The following CDH23 variants were observed in gnomAD, a reference collection of about 807,000 sequenced individuals.
CDH23 encodes the protein cadherin related 23.
CDH23 carries 189 observed loss-of-function variants against 317.1 expected under a neutral mutation model. The observed-to-expected ratio is 0.60, with a 90% CI of 0.53 to 0.67. The LOEUF is 0.67. Among genes scored for constraint, CDH23 ranks in the 30% least tolerant of loss-of-function variants. The pLI is 0.00. For missense variants in CDH23, 4,401 were observed against 4,592.4 expected, an observed-to-expected ratio of 0.96 and a Z score of 1.20; for synonymous variants, 1,839 against 1,876.8, an observed-to-expected ratio of 0.98 and a Z score of 0.52.
intron 9 of CDH23, among the ~76,000 whole-genome samples, chr10:71,604,409 C>T (rs1860411130): frequency 6.6e-6 from 1 of 152,236 alleles, no homozygotes; most frequent in African/African-American, 2.4e-5. Context: ...GTCTGCCACG[C>T]AGCGGGCCCA....
At chr10:71,543,473 C>T (rs1055844909) in intron 6 of CDH23, among the ~76,000 whole-genome samples, 1 of 152,238 alleles carries the variant, frequency 6.6e-6, no homozygotes, top group Non-Finnish European at 1.5e-5. Context: ...GGTCCATATG[C>T]AGCCGATGCT....
chr10:71,675,307 G>A (rs1460020346), intron 15 of CDH23, 131 bp downstream of exon 15: 2 of 734,330 alleles, frequency 2.7e-6, no homozygotes, highest in South Asian at 1.7e-5. Context: ...GCACTGGACT[G>A]GAAGTTGGAA....
At chr10:71,464,609 G>A (rs1851158762) in intron 3 of CDH23, among the ~76,000 whole-genome samples, 1 of 151,804 alleles carries the variant, frequency 6.6e-6, no homozygotes, top group Non-Finnish European at 1.5e-5. Flanking sequence ...GAGCCTGGGT[G>A]GATGACTTGC....
In CDH23 at chr10:71,416,285, GAAGTGCTGGGATTACAGGCAT is replaced by G. The variant is rs1848530103; in HGVS notation, c.-6+18971_-6+18991del. 2.0e-5 allele frequency among the ~76,000 whole-genome samples: 3 copies of G among 152,194 alleles called. No homozygotes were observed. In the South Asian group the frequency reaches 6.2e-4, roughly 32 times the overall value. On this transcript the variant is annotated intron_variant, in intron 1 of 69. Coordinates refer to ENST00000224721, the MANE Select transcript of CDH23 (RefSeq NM_022124.6). ...AGTGATCCGCCCGCCTTGGCCTCCT[GAAGTGCTGGGATTACAGGCAT>G]AAGCCACTGTGCCCAGCTATAGCCT...
chr10:71,497,660 T>C (rs1247673860), intron 3 of CDH23, among the ~76,000 whole-genome samples: 1 of 152,168 alleles, frequency 6.6e-6, no homozygotes, highest in Non-Finnish European at 1.5e-5. Context: ...TTGTACACAG[T>C]ATGTGGAAAA....
chr10:71,646,899 T>A, intron 14 of CDH23: 2 of 1,423,176 alleles, frequency 1.4e-6, no homozygotes, highest in Non-Finnish European at 1.8e-6. Flanking sequence ...TCAGTGAGGG[T>A]GGGCTGGGAG....
intron 46 of CDH23, chr10:71,790,681 C>T: frequency 1.9e-6 from 1 of 518,616 alleles, no homozygotes; most frequent in Non-Finnish European, 3.5e-6. Flanking sequence ...CAGCCCACTC[C>T]CGTCATCTCC....
chr10:71,556,008 C>G (rs1589201530), intron 6 of CDH23, among the ~76,000 whole-genome samples: 1 of 152,110 alleles, frequency 6.6e-6, no homozygotes, highest in Admixed American at 6.5e-5. Context: ...CGTCTGCTCT[C>G]TAGGGGAAAT....
At chr10:71,683,047 A>T (rs1864720314) in intron 18 of CDH23, among the ~76,000 whole-genome samples, 1 of 152,068 alleles carries the variant, frequency 6.6e-6, no homozygotes, top group Non-Finnish European at 1.5e-5. Context: ...GCGGTCTGAA[A>T]CCAAGCCACA....
At chr10:71,766,150 C>G (rs571694995) in intron 38 of CDH23, among the ~76,000 whole-genome samples, 1 of 152,210 alleles carries the variant, frequency 6.6e-6, no homozygotes, top group African/African-American at 2.4e-5. Context: ...AATTCTTTGG[C>G]GAGAGGATGT....
At chr10:71,684,530 CT>C (rs1182809197) in intron 18 of CDH23, among the ~76,000 whole-genome samples, 2 of 152,238 alleles carry the variant, frequency 1.3e-5, no homozygotes, top group African/African-American at 2.4e-5. Flanking sequence ...CTCTGCTGCC[CT>C]CTTGCTGTGT....
At chr10:71,634,546 G>T (rs1386259948) in intron 11 of CDH23, among the ~76,000 whole-genome samples, 1 of 152,236 alleles carries the variant, frequency 6.6e-6, no homozygotes, top group Non-Finnish European at 1.5e-5. Flanking sequence ...CTTGCCTGGG[G>T]TTGCAAGACA....
chr10:71,730,769 A>G (rs1839350036), intron 31 of CDH23, among the ~76,000 whole-genome samples, 165 bp downstream of exon 31: 1 of 152,214 alleles, frequency 6.6e-6, no homozygotes, highest in Non-Finnish European at 1.5e-5. Flanking sequence ...ACTTCCCACC[A>G]GTGGCCCCAG....
At chr10:71,418,407 G>A (rs1184235670) in intron 1 of CDH23, among the ~76,000 whole-genome samples, 1 of 152,114 alleles carries the variant, frequency 6.6e-6, no homozygotes, top group Non-Finnish European at 1.5e-5. Context: ...TTTTCATCTA[G>A]TTCATCCACA....
At chr10:71,720,601 A>G (rs1866511695) in intron 28 of CDH23, among the ~76,000 whole-genome samples, 1 of 152,178 alleles carries the variant, frequency 6.6e-6, no homozygotes, top group African/African-American at 2.4e-5. Context: ...GGCCCTGTCC[A>G]AGACCTGAGC....
intron 1 of CDH23, among the ~76,000 whole-genome samples, chr10:71,412,263 G>A (rs72642220): frequency 0.027 from 4,053 of 152,244 alleles, 123 homozygotes; most frequent in East Asian, 0.078. Context: ...ATGATGCTAT[G>A]AATGTTGGTC....
In CDH23 at chr10:71,784,442, G is replaced by T. The variant is rs368286580; in HGVS notation, c.5502+22G>T. ...CACAGTGAGTCTGGGGGCCCCACCC[G>T]CTGGCTTCACCTCGCTGCCCCTGTA... On this transcript the variant is annotated intron_variant, in intron 42 of 69. Transcript: ENST00000224721. The T allele has an allele frequency of 1.1e-5, 17 of 1,607,156 alleles. No individual in the cohort carries two copies. In the South Asian group the frequency reaches 1.3e-4, roughly 13 times the overall value.
intron 38 of CDH23, chr10:71,748,476 T>C (rs991934077): frequency 2.6e-5 from 4 of 152,240 alleles, no homozygotes; most frequent in Admixed American, 2.0e-4. Context: ...CAAATGGTGC[T>C]TTCAATTCCA....
chr10:71,623,938 C>T (rs1299256213), intron 11 of CDH23, among the ~76,000 whole-genome samples: 4 of 152,200 alleles, frequency 2.6e-5, no homozygotes, highest in Non-Finnish European at 5.9e-5. Flanking sequence ...GTTCTCAGCC[C>T]AGTTCTTCTT....
Sources: gnomAD v4.1 joint callset for allele counts (sites outside exome capture counted in the v4.1 genomes callset) on GRCh38, gnomAD v4.1.1 for gene constraint, MANE v1.5 for transcripts, NCBI Gene and HGNC (gene_info 2026-07-23, HGNC 2026-07-21) for gene names.